ATP6V0A4: variants seen among roughly 807,000 people sequenced by gnomAD.
ATP6V0A4 encodes the protein V-type proton ATPase 116 kDa subunit a 4.
In ATP6V0A4, 86 loss-of-function variants were observed where a neutral mutation model predicts 107.3. That is an observed-to-expected ratio of 0.80 (90% CI 0.67 to 0.96). ATP6V0A4 has a LOEUF of 0.96. ATP6V0A4 is among the 40% of genes least tolerant of loss of function. ATP6V0A4 has a pLI of 0.00. For missense variants in ATP6V0A4, 908 were observed against 1,045.6 expected (o/e 0.87, Z 1.81); for synonymous variants, 353 against 381.4 (o/e 0.93, Z 0.87).
intron 20 of ATP6V0A4, among the ~76,000 whole-genome samples, chr7:138,711,537 C>G (rs3778703): frequency 6.6e-6 from 1 of 152,066 alleles, no homozygotes; most frequent in Non-Finnish European, 1.5e-5. Context: ...CACTTGCAAG[C>G]GGCTATCAGA....
At chr7:138,776,597 C>T (rs187328387) in intron 2 of ATP6V0A4, among the ~76,000 whole-genome samples, 1 of 152,306 alleles carries the variant, frequency 6.6e-6, no homozygotes, top group Admixed American at 6.5e-5. Flanking sequence ...TCTTGCTCTT[C>T]CCCAAGGCAG....
intron 19 of ATP6V0A4, among the ~76,000 whole-genome samples, chr7:138,716,645 C>A (rs1012877055): frequency 2.0e-5 from 3 of 152,030 alleles, no homozygotes; most frequent in Non-Finnish European, 4.4e-5. Flanking sequence ...CTCACTGCAG[C>A]CTTGACCTCC....
At chr7:138,779,718 T>C (rs1361578730) in intron 2 of ATP6V0A4, among the ~76,000 whole-genome samples, 1 of 152,218 alleles carries the variant, frequency 6.6e-6, no homozygotes, top group Non-Finnish European at 1.5e-5. Context: ...GTGTATACTC[T>C]TCTCCTGATA....
intron 2 of ATP6V0A4, among the ~76,000 whole-genome samples, chr7:138,775,342 A>G (rs994951601): frequency 1.5e-4 from 23 of 152,208 alleles, no homozygotes; most frequent in African/African-American, 5.6e-4. Context: ...TCCAGCAGGT[A>G]TCTCTAAAAG....
intron 18 of ATP6V0A4, 156 bp from the exon 19 acceptor site, chr7:138,722,181 T>C: frequency 1.3e-6 from 1 of 748,848 alleles, no homozygotes; most frequent in African/African-American, 1.9e-5. Context: ...ACAACCATTT[T>C]ATATAAGCAC....
chr7:138,719,041 G>A (rs1804297409), intron 19 of ATP6V0A4, among the ~76,000 whole-genome samples: 1 of 151,766 alleles, frequency 6.6e-6, no homozygotes, highest in Admixed American at 6.6e-5. Context: ...AAAAAATTAG[G>A]CAGGTGTGGT....
intron 13 of ATP6V0A4, among the ~76,000 whole-genome samples, chr7:138,745,978 T>TATATATATATATATATATATATAA (rs1367872235): frequency 8.1e-6 from 1 of 122,878 alleles, no homozygotes; most frequent in African/African-American, 3.2e-5. Context: ...TATATATATA[T>TATATATATATATATATATATATAA]AAAATATATA....
chr7:138,762,767 C>A (rs527275280), intron 6 of ATP6V0A4, 133 bp downstream of exon 6: 1 of 1,107,176 alleles, frequency 9.0e-7, no homozygotes, highest in East Asian at 2.3e-5. Context: ...AATACTCCCC[C>A]GCCCTCACCA....
intron 8 of ATP6V0A4, among the ~76,000 whole-genome samples, chr7:138,758,143 TCAAAA>T (rs5887903): frequency 0.14 from 21,218 of 152,106 alleles, 1,841 homozygotes; most frequent in Admixed American, 0.23. Context: ...CTGTCATATG[TCAAAA>T]CAGGATTATA....
chr7:138,784,591 T>C (rs1203351029), intron 2 of ATP6V0A4, among the ~76,000 whole-genome samples: 1 of 152,078 alleles, frequency 6.6e-6, no homozygotes, highest in Non-Finnish European at 1.5e-5. Context: ...GTGCTGGGAT[T>C]ATAGGCGTGA....
intron 13 of ATP6V0A4, 28 bp from the exon 14 acceptor site, chr7:138,745,308 T>C (rs1434639335): frequency 5.6e-6 from 9 of 1,613,242 alleles, no homozygotes; most frequent in African/African-American, 5.3e-5. Flanking sequence ...GAGAGGATGA[T>C]TGTCAGTGGG....
At chr7:138,709,902 C>T (rs1562974739) in intron 20 of ATP6V0A4, 107 bp from the exon 21 acceptor site, 6 of 1,278,724 alleles carry the variant, frequency 4.7e-6, no homozygotes, top group Non-Finnish European at 5.2e-6. Context: ...TAAATAGAGA[C>T]AGGGTCTCAC....
chr7:138,758,072 G>A (rs1436814519), intron 8 of ATP6V0A4, among the ~76,000 whole-genome samples: 1 of 152,166 alleles, frequency 6.6e-6, no homozygotes, highest in African/African-American at 2.4e-5. Flanking sequence ...CTTCCCTTTG[G>A]TGACCTTCGG....
rs534961284 is a variant in ATP6V0A4 at position 138,772,674 on chromosome 7, G to C, written c.-17-1410C>G. Among the ~76,000 whole-genome samples, 12 of 152,288 alleles carry C rather than the reference G, an allele frequency of 7.9e-5. 1 individual carries two copies. The South Asian group carries it at 2.5e-3, about 32-fold the overall frequency. On this transcript the variant is annotated intron_variant, in intron 2 of 21. Transcript: ENST00000310018. Reference sequence around the variant, plus strand: ...CCAAAGTTTAACTGTGAAACTGGGGGATGATCTTGAAGCCATTGCCACCAG... The same window carrying C: ...CCAAAGTTTAACTGTGAAACTGGGGCATGATCTTGAAGCCATTGCCACCAG...
intron 18 of ATP6V0A4, among the ~76,000 whole-genome samples, chr7:138,727,112 CAAAAAAAAAAA>C (rs138365622): frequency 0.011 from 1,182 of 103,060 alleles, 18 homozygotes; most frequent in African/African-American, 0.038. Flanking sequence ...GAGCTCATCT[CAAAAAAAAAAA>C]AAAAAAAAAA....
chr7:138,747,980 T>C (rs2117279139), intron 12 of ATP6V0A4, among the ~76,000 whole-genome samples: 1 of 152,142 alleles, frequency 6.6e-6, no homozygotes, highest in Middle Eastern at 3.4e-3. Context: ...GGTCTCGAAC[T>C]CCTGGTTTCA....
At chr7:138,714,559 T>TAGAC (rs58118736) in intron 20 of ATP6V0A4, among the ~76,000 whole-genome samples, 18 of 148,606 alleles carry the variant, frequency 1.2e-4, no homozygotes, top group Middle Eastern at 3.5e-3. Flanking sequence ...GATAGATAGA[T>TAGAC]AGACAGACAG....
At position 138,732,877 on chromosome 7, in the gene ATP6V0A4, C is replaced by G. The variant is rs2117239132; in HGVS notation, c.1908G>C (p.Gln636His). ...AAAAAAAAAAAAATAGCAGAAATACCTGATGTTTGTAGAGGGGTGCGTTGG... is the reference window on the plus strand; with the variant it reads ...AAAAAAAAAAAAATAGCAGAAATACGTGATGTTTGTAGAGGGGTGCGTTGG... ...DSSNAPLYKH[Q>H]QEVQSFFVVM... The change falls in exon 17 of 22, where the codon CAG becomes CAC. Residue 636 changes from glutamine to histidine, a missense_variant and splice_region_variant. Gln to His is a conservative substitution (Grantham distance 24). Coordinates refer to ENST00000310018, the MANE Select transcript of ATP6V0A4 (RefSeq NM_020632.3). 1 of 1,603,220 alleles carries G rather than the reference C, an allele frequency of 6.2e-7. No homozygotes were observed. The highest frequency in any genetic ancestry group is 8.5e-7 in the Non-Finnish European group (1 of 1,173,880).
chr7:138,730,833 C>T (rs1472667705), intron 17 of ATP6V0A4, among the ~76,000 whole-genome samples: 4 of 151,822 alleles, frequency 2.6e-5, no homozygotes, highest in East Asian at 3.9e-4. Flanking sequence ...TCTGTGATAA[C>T]AAAATGGTGC....
Sources: allele counts gnomAD v4.1 joint callset (sites outside exome capture counted in the v4.1 genomes callset), GRCh38; gene constraint gnomAD v4.1.1; transcripts MANE v1.5; gene names NCBI Gene and HGNC (gene_info 2026-07-23, HGNC 2026-07-21).